Variants in AATF observed in about 807,000 individuals in gnomAD.
The protein encoded by AATF is apoptosis antagonizing transcription factor, also known as protein AATF.
A neutral mutation model predicts 63.7 loss-of-function variants in AATF; 48 were observed. The ratio of observed to expected loss-of-function variants is 0.75; its 90% CI spans 0.60 to 0.96. AATF has a LOEUF of 0.96. Ranked by LOEUF, AATF falls within the 40% of genes least tolerant of loss-of-function variation. AATF has a pLI of 0.00. For missense variants in AATF, 639 were observed against 685.7 expected (o/e 0.93, Z 0.76); for synonymous variants, 258 against 247.7 (o/e 1.04, Z -0.39).
At chr17:37,054,253 G>A (rs1228430045) in intron 11 of AATF, among the ~76,000 whole-genome samples, 1 of 152,186 alleles carries the variant, frequency 6.6e-6, no homozygotes, top group African/African-American at 2.4e-5. Flanking sequence ...TGCTTTGTCT[G>A]TCTCAGAGAA....
chr17:36,987,028 T>C (rs1013902552), intron 5 of AATF, among the ~76,000 whole-genome samples: 2 of 152,158 alleles, frequency 1.3e-5, no homozygotes, highest in Non-Finnish European at 2.9e-5. Flanking sequence ...TACACTGTCA[T>C]CCAGGCTGGA....
intron 4 of AATF, among the ~76,000 whole-genome samples, chr17:36,963,707 T>A (rs957657789): frequency 3.3e-5 from 5 of 152,232 alleles, no homozygotes; most frequent in African/African-American, 1.2e-4. Context: ...TTTAGATAAT[T>A]TCTTTATATC....
At chr17:37,031,443 T>C (rs1310423416) in intron 10 of AATF, 171 bp from the exon 11 acceptor site, 6 of 634,184 alleles carry the variant, frequency 9.5e-6, no homozygotes, top group Admixed American at 2.4e-5. Context: ...GGGATGACTG[T>C]AGTTGGTCAT....
intron 11 of AATF, among the ~76,000 whole-genome samples, chr17:37,044,026 C>CA (rs1026545212): frequency 6.6e-6 from 1 of 152,060 alleles, no homozygotes; most frequent in Non-Finnish European, 1.5e-5. Flanking sequence ...GTGCAAACCC[C>CA]AAAAAAAGTT....
chr17:36,989,172 A>G lies in AATF; in HGVS notation c.1150-75A>G, dbSNP rs887374218. ...TTTCTATCTCTCTGCTGACACAGAAAGATAGAGAAACCAATGTAGCTTGCC... is the reference window on the plus strand; with the variant it reads ...TTTCTATCTCTCTGCTGACACAGAAGGATAGAGAAACCAATGTAGCTTGCC... On this transcript the variant is annotated intron_variant, in intron 6 of 11. Transcript: ENST00000619387. 4.8e-6 allele frequency: 7 copies of G among 1,473,296 alleles called. No individual in the cohort carries two copies. In the African/African-American group the frequency reaches 5.6e-5, roughly 12 times the overall value. 91.3% of individuals were successfully genotyped at this position (1,473,296 alleles called of 1,614,324 possible).
chr17:36,950,609 C>T (rs930610101), intron 2 of AATF, among the ~76,000 whole-genome samples: 2 of 152,192 alleles, frequency 1.3e-5, no homozygotes, highest in African/African-American at 4.8e-5. Flanking sequence ...AAGCGAGGCT[C>T]CTGCCTCAGC....
chr17:36,989,193 T>G, intron 6 of AATF, 54 bp from the exon 7 acceptor site: 1 of 1,548,418 alleles, frequency 6.5e-7, no homozygotes, highest in Non-Finnish European at 8.8e-7. Context: ...CCAATGTAGC[T>G]TGCCTTCAGC....
chr17:36,989,732 A>G (rs1478545848), intron 7 of AATF, among the ~76,000 whole-genome samples: 1 of 152,240 alleles, frequency 6.6e-6, no homozygotes, highest in African/African-American at 2.4e-5. Flanking sequence ...TATTGAAACA[A>G]GTGTGTACTT....
intron 4 of AATF, among the ~76,000 whole-genome samples, chr17:36,978,088 C>T (rs1437722867): frequency 6.6e-6 from 1 of 152,110 alleles, no homozygotes; most frequent in Non-Finnish European, 1.5e-5. Flanking sequence ...AACTCAAATG[C>T]ACACTATCTA....
At chr17:36,957,602 A>G (rs2070912514) in intron 4 of AATF, among the ~76,000 whole-genome samples, 1 of 152,210 alleles carries the variant, frequency 6.6e-6, no homozygotes, top group Admixed American at 6.5e-5. Flanking sequence ...ATACCCAGCT[A>G]CTACCTCCTT....
intron 8 of AATF, among the ~76,000 whole-genome samples, chr17:37,009,862 T>G (rs75760610): frequency 0.02 from 2,955 of 148,206 alleles, 90 homozygotes; most frequent in African/African-American, 0.069. Flanking sequence ...CATGCAGATT[T>G]GTTGAATAGA....
chr17:36,956,312 A>G (rs1008979200), intron 4 of AATF, among the ~76,000 whole-genome samples: 1 of 152,164 alleles, frequency 6.6e-6, no homozygotes, highest in Non-Finnish European at 1.5e-5. Flanking sequence ...AAGAGTAGCT[A>G]ATTTTTCTTG....
chr17:36,993,416 C>G (rs919476617), intron 8 of AATF, among the ~76,000 whole-genome samples: 5 of 152,176 alleles, frequency 3.3e-5, no homozygotes, highest in Non-Finnish European at 7.4e-5. Context: ...AAGGTAGCAC[C>G]TGTTCTGCTG....
intron 8 of AATF, among the ~76,000 whole-genome samples, chr17:37,007,612 A>G (rs970125689): frequency 1.3e-5 from 2 of 152,124 alleles, no homozygotes; most frequent in Non-Finnish European, 2.9e-5. Flanking sequence ...AGAAGCTCAT[A>G]GTCAAGCAAG....
At chr17:36,956,605 G>A (rs143079687) in intron 4 of AATF, among the ~76,000 whole-genome samples, 1,944 of 151,732 alleles carry the variant, frequency 0.013, 40 homozygotes, top group African/African-American at 0.045. Context: ...CCTGTGAGGC[G>A]GAGGCTGCAG....
chr17:36,966,435 A>T (rs983114740), intron 4 of AATF, among the ~76,000 whole-genome samples: 4 of 150,800 alleles, frequency 2.7e-5, no homozygotes, highest in Non-Finnish European at 5.9e-5. Context: ...TGGCTAATTT[A>T]AAAAAAATTT....
chr17:36,991,587 CTT>C (rs34166182), intron 8 of AATF, among the ~76,000 whole-genome samples: 19 of 138,512 alleles, frequency 1.4e-4, no homozygotes, highest in Admixed American at 3.6e-4. Context: ...ATAAGTTATA[CTT>C]TTTTTTTTTT....
At chr17:36,990,962 A>G in intron 8 of AATF, 105 bp downstream of exon 8, 6 of 765,322 alleles carry the variant, frequency 7.8e-6, no homozygotes, top group Non-Finnish European at 1.0e-5. Context: ...GGATAGAGTC[A>G]GACAGTGAGT....
At chr17:36,997,327 C>T (rs190355022) in intron 8 of AATF, among the ~76,000 whole-genome samples, 24 of 152,220 alleles carry the variant, frequency 1.6e-4, no homozygotes, top group African/African-American at 5.5e-4. Flanking sequence ...TCTTCACACT[C>T]TATACATCTG....
Sources: allele counts gnomAD v4.1 joint callset (sites outside exome capture counted in the v4.1 genomes callset), GRCh38; gene constraint gnomAD v4.1.1; transcripts MANE v1.5; gene names NCBI Gene and HGNC (gene_info 2026-07-23, HGNC 2026-07-21).